The following PDK1 variants were observed in gnomAD, a reference collection of about 807,000 sequenced individuals.
PDK1 encodes the protein pyruvate dehydrogenase kinase 1, also known as [Pyruvate dehydrogenase (acetyl-transferring)] kinase isozyme 1, mitochondrial.
A neutral mutation model predicts 54.2 loss-of-function variants in PDK1; 39 were observed. That is an observed-to-expected ratio of 0.72 (90% confidence interval 0.56 to 0.94). The LOEUF is 0.94. Among genes scored for constraint, PDK1 ranks in the 40% least tolerant of loss-of-function variants. PDK1 has a pLI of 0.00. For missense variants in PDK1, 552 were observed against 566.0 expected, an observed-to-expected ratio of 0.98 and a Z score of 0.25; for synonymous variants, 221 against 207.1, an observed-to-expected ratio of 1.07 and a Z score of -0.58.
chr2:172,698,204 C>G, the PDK1 span, among the ~76,000 whole-genome samples: 1 of 152,162 alleles, frequency 6.6e-6, no homozygotes, highest in Admixed American at 6.5e-5. Flanking sequence ...AATCATCCCC[C>G]ACTTTGTTCT....
chr2:172,589,331 C>G (rs1690440747), intron 9 of PDK1, among the ~76,000 whole-genome samples: 2 of 152,174 alleles, frequency 1.3e-5, no homozygotes, highest in African/African-American at 4.8e-5. Flanking sequence ...AAAGATAGCA[C>G]AGGAACCCAG....
chr2:172,579,176 C>T (rs1574499517), intron 8 of PDK1, among the ~76,000 whole-genome samples: 1 of 152,114 alleles, frequency 6.6e-6, no homozygotes, highest in South Asian at 2.1e-4. Context: ...AGCTGTTGTC[C>T]AGTTTCTTCT....
intron 5 of PDK1, among the ~76,000 whole-genome samples, chr2:172,565,596 C>T (rs78809515): frequency 1.3e-5 from 2 of 152,282 alleles, no homozygotes; most frequent in South Asian, 4.1e-4. Context: ...CCACCGAGCC[C>T]AGCTGAGGGT....
chr2:172,690,671 A>G, the PDK1 span, among the ~76,000 whole-genome samples: 2 of 150,320 alleles, frequency 1.3e-5, no homozygotes, highest in African/African-American at 4.8e-5. Flanking sequence ...CTACGCAGCC[A>G]CGAAAAAGGA....
chr2:172,668,594 A>G, the PDK1 span, among the ~76,000 whole-genome samples: 7,954 of 151,730 alleles, frequency 0.052, 399 homozygotes, highest in East Asian at 0.22. Flanking sequence ...CTCACCTCAT[A>G]GGAAATTATG....
the PDK1 span, among the ~76,000 whole-genome samples, chr2:172,621,889 C>CATAT: frequency 8.5e-5 from 12 of 140,974 alleles, 1 homozygote; most frequent in African/African-American, 2.4e-4. Context: ...GTTTATATCT[C>CATAT]ATATGTATGA....
At chr2:172,719,356 T>C in the PDK1 span, among the ~76,000 whole-genome samples, 1 of 152,204 alleles carries the variant, frequency 6.6e-6, no homozygotes, top group Non-Finnish European at 1.5e-5. Context: ...GATCATACTG[T>C]ATGTTTAGCT....
intron 1 of PDK1, among the ~76,000 whole-genome samples, chr2:172,557,679 T>G (rs889163856): frequency 6.6e-6 from 1 of 151,386 alleles, no homozygotes; most frequent in African/African-American, 2.4e-5. Context: ...GGGGTCTCAC[T>G]ATGTTGCCCA....
chr2:172,559,067 G>A (rs759265608), intron 2 of PDK1, among the ~76,000 whole-genome samples: 14 of 152,302 alleles, frequency 9.2e-5, no homozygotes, highest in Non-Finnish European at 1.8e-4. Flanking sequence ...TCCTGCCTCA[G>A]CCTCCCGAGT....
At chr2:172,691,870 A>G in the PDK1 span, among the ~76,000 whole-genome samples, 1 of 152,262 alleles carries the variant, frequency 6.6e-6, no homozygotes, top group Non-Finnish European at 1.5e-5. Flanking sequence ...CAAAGCTGCT[A>G]TAAACATCCA....
the PDK1 span, among the ~76,000 whole-genome samples, chr2:172,638,710 C>T: frequency 3.2e-4 from 47 of 147,780 alleles, no homozygotes; most frequent in African/African-American, 7.3e-4. Flanking sequence ...GGTTTGTAAA[C>T]GCACCAATCA....
intron 2 of PDK1, among the ~76,000 whole-genome samples, chr2:172,560,611 A>G (rs570652160): frequency 6.6e-6 from 1 of 152,360 alleles, no homozygotes; most frequent in East Asian, 1.9e-4. Flanking sequence ...ATGATGAAAT[A>G]TATGAAAGGA....
chr2:172,616,380 T>A, the PDK1 span, among the ~76,000 whole-genome samples: 1 of 152,204 alleles, frequency 6.6e-6, no homozygotes, highest in Non-Finnish European at 1.5e-5. Flanking sequence ...GTTAATGAAC[T>A]ATAGCTACAC....
chr2:172,559,679 C>G (rs151175749), intron 2 of PDK1, among the ~76,000 whole-genome samples: 8,225 of 152,214 alleles, frequency 0.054, 348 homozygotes, highest in East Asian at 0.21. Flanking sequence ...TCCAGAGTAG[C>G]TGGGATTACA....
At chr2:172,683,463 C>T in the PDK1 span, among the ~76,000 whole-genome samples, 1 of 152,058 alleles carries the variant, frequency 6.6e-6, no homozygotes, top group East Asian at 1.9e-4. Context: ...CCTCAGGAAG[C>T]TTCCAGTCAT....
the PDK1 span, among the ~76,000 whole-genome samples, chr2:172,616,794 C>G: frequency 6.6e-6 from 1 of 152,058 alleles, no homozygotes. Context: ...TCTAAATTGG[C>G]TAGTAGTAGG....
chr2:172,601,835 G>A lies in PDK1; in HGVS notation c.*5866G>A, dbSNP rs868339099. On this transcript the variant is annotated 3_prime_UTR_variant, in exon 11 of 11. Coordinates refer to ENST00000282077, the MANE Select transcript of PDK1 (RefSeq NM_002610.5). ...GGAAAGGAAAAGGCCCAAATAAACA[G>A]TATTTAGATTTTTTTTTAAAGGACA... is the stretch of plus-strand genomic sequence containing the variant. 2 of 152,078 alleles carry A rather than the reference G, an allele frequency of 1.3e-5. No individual in the cohort carries two copies. Among genetic ancestry groups the A allele is most frequent in the South Asian group, 2.1e-4 (1 of 4,822 alleles). The allele number at this position is 152,078 out of a possible 1,614,324, so 9.4% of individuals were successfully genotyped here.
At position 172,608,592 on chromosome 2, in the gene PDK1, C is replaced by CTTA. The variant is rs2149327646; in HGVS notation, c.*12625_*12626insATT. ...GGCCATTTTATCACCTCCAAACTATCTTTTATTTTTTTGAATTGTATCTCT... is the reference window on the plus strand; with the variant it reads ...GGCCATTTTATCACCTCCAAACTATCTTATTTTATTTTTTTGAATTGTATCTCT... On this transcript the variant is annotated 3_prime_UTR_variant, in exon 11 of 11. Transcript: ENST00000282077. 1.3e-5 allele frequency: 2 copies of CTTA among 152,230 alleles called. No individual in the cohort carries two copies. Among genetic ancestry groups the CTTA allele is most frequent in the South Asian group, 4.1e-4 (2 of 4,820 alleles). The allele number at this position is 152,230 out of a possible 1,614,324, so 9.4% of individuals were successfully genotyped here.
At chr2:172,671,492 G>A in the PDK1 span, among the ~76,000 whole-genome samples, 1 of 149,448 alleles carries the variant, frequency 6.7e-6, no homozygotes. Flanking sequence ...ATATATTTAG[G>A]CCTCAGTTGC....
Sources: gnomAD v4.1 joint callset for allele counts (sites outside exome capture counted in the v4.1 genomes callset) on GRCh38, gnomAD v4.1.1 for gene constraint, MANE v1.5 for transcripts, NCBI Gene and HGNC (gene_info 2026-07-23, HGNC 2026-07-21) for gene names.